The following CDK18 variants were observed in gnomAD, a reference collection of about 807,000 sequenced individuals.
CDK18 encodes the protein cyclin-dependent kinase 18.
CDK18 carries 52 observed loss-of-function variants against 62.0 expected under a neutral mutation model. The observed-to-expected ratio is 0.84, with a 90% confidence interval of 0.67 to 1.06. CDK18 has a LOEUF of 1.06. CDK18 is among the 50% of genes least tolerant of loss of function. CDK18 has a pLI of 0.00. For missense variants in CDK18, 604 were observed against 619.9 expected, an observed-to-expected ratio of 0.97 and a Z score of 0.27; for synonymous variants, 237 against 247.0, an observed-to-expected ratio of 0.96 and a Z score of 0.38.
In CDK18 at chr1:205,529,375, G is replaced by A. The variant is rs774253881; in HGVS notation, c.1124G>A (p.Arg375His). 4 of 1,613,878 alleles carry A rather than the reference G, an allele frequency of 2.5e-6. 1 individual carries two copies. In the South Asian group the frequency reaches 3.3e-5, roughly 13 times the overall value. The change falls in exon 12 of 16, where the codon CGC becomes CAC. Residue 375 changes from arginine to histidine, a missense_variant. Arg to His is a conservative substitution (Grantham distance 29). Transcript: ENST00000429964. The part of the protein sequence containing the change: ...WPGVTAFSEF[R>H]TYSFPCYLPQ... ...GGCGTGACCGCCTTCTCTGAGTTCC[G>A]CACCTACAGCTTCCCCTGCTACCTC...
At chr1:205,530,914 T>C (rs1261183594) in intron 15 of CDK18, among the ~76,000 whole-genome samples, 1 of 152,192 alleles carries the variant, frequency 6.6e-6, no homozygotes, top group Admixed American at 6.5e-5. Context: ...GACATTGCAT[T>C]TGACAGTAGC....
At chr1:205,520,394 T>C (rs543799685) in intron 1 of CDK18, among the ~76,000 whole-genome samples, 1 of 152,224 alleles carries the variant, frequency 6.6e-6, no homozygotes, top group Non-Finnish European at 1.5e-5. Flanking sequence ...GATTCTGATG[T>C]TCAGCTATCT....
intron 1 of CDK18, among the ~76,000 whole-genome samples, chr1:205,519,191 C>G (rs761303791): frequency 1.3e-5 from 2 of 152,158 alleles, no homozygotes; most frequent in African/African-American, 4.8e-5. Flanking sequence ...ACTAAGGTGA[C>G]AGGCCTTTTT....
intron 1 of CDK18, among the ~76,000 whole-genome samples, chr1:205,507,078 T>C (rs1667343653): frequency 6.6e-6 from 1 of 152,304 alleles, no homozygotes; most frequent in South Asian, 2.1e-4. Flanking sequence ...TCTTCCCGGT[T>C]CCTACCCTAA....
At position 205,528,334 on chromosome 1, in the gene CDK18, A is replaced by G. The variant is rs1668547440; in HGVS notation, c.974+166A>G. ...GATGTTAAAAAATTAGGTCTGAAAT[A>G]TAATAGGTTAGGGTTTCCCTGGCTT... On this transcript the variant is annotated intron_variant, in intron 10 of 15. Transcript: ENST00000429964. The surrounding 1 kb of genome is among the most constrained non-coding windows in gnomAD (Gnocchi z 4.2). Among the ~76,000 whole-genome samples the G allele has an allele frequency of 6.6e-6, 1 of 152,064 alleles. No homozygotes were observed. The highest frequency in any genetic ancestry group is 2.1e-4 in the South Asian group (1 of 4,822).
intron 1 of CDK18, among the ~76,000 whole-genome samples, chr1:205,506,182 G>T (rs184587925): frequency 1.5e-3 from 233 of 152,304 alleles, no homozygotes; most frequent in African/African-American, 5.5e-3. Context: ...GGTCGGTGGA[G>T]TACAGGGCGA....
chr1:205,519,911 C>T (rs1668029808), intron 1 of CDK18, among the ~76,000 whole-genome samples: 1 of 152,198 alleles, frequency 6.6e-6, no homozygotes, highest in South Asian at 2.1e-4. Context: ...TCCAACATGC[C>T]ATCCCATAAA....
chr1:205,531,328 C>A lies in CDK18; in HGVS notation c.1391-16C>A. Reference sequence around the variant, plus strand: ...CAGCCTCCTCCCTGCAGCCCCACCTCTTCTCCATTCTCCAGGACGAGGGAA... The same window carrying A: ...CAGCCTCCTCCCTGCAGCCCCACCTATTCTCCATTCTCCAGGACGAGGGAA... On this transcript the variant is annotated splice_polypyrimidine_tract_variant and intron_variant, in intron 15 of 15. Coordinates refer to ENST00000429964, the MANE Select transcript of CDK18 (RefSeq NM_212502.3). 6.2e-7 allele frequency: 1 copy of A among 1,613,988 alleles called. No individual in the cohort carries two copies. The highest frequency in any genetic ancestry group is 8.5e-7 in the Non-Finnish European group (1 of 1,179,846).
chr1:205,520,990 G>A (rs549218974), intron 1 of CDK18, among the ~76,000 whole-genome samples: 37 of 152,164 alleles, frequency 2.4e-4, no homozygotes, highest in Non-Finnish European at 4.3e-4. Flanking sequence ...ACGGAGGAGC[G>A]GCTGAAGATG....
chr1:205,528,851 C>T lies in CDK18; in HGVS notation c.975-148C>T, dbSNP rs570156648. The T allele has an allele frequency of 1.9e-5, 11 of 579,530 alleles. No homozygotes were observed. The highest frequency in any genetic ancestry group is 1.7e-4 in the African/African-American group (9 of 53,438). 35.9% of individuals were successfully genotyped at this position (579,530 alleles called of 1,614,324 possible). On this transcript the variant is annotated intron_variant, in intron 10 of 15. Transcript: ENST00000429964. The surrounding 1 kb of genome is among the most constrained non-coding windows in gnomAD (Gnocchi z 4.2). ...AGTGGGGGCTGGGCAGTTCTAGGAG[C>T]CTCCACTGCCCTGGGCCACCCCTCC...
At chr1:205,511,914 T>C (rs1236697164) in intron 1 of CDK18, among the ~76,000 whole-genome samples, 1 of 152,044 alleles carries the variant, frequency 6.6e-6, no homozygotes, top group Non-Finnish European at 1.5e-5. Flanking sequence ...ATTAGCTGGG[T>C]GTGGTGTCGT....
chr1:205,515,685 G>A (rs1230515146), intron 1 of CDK18, among the ~76,000 whole-genome samples: 2 of 152,136 alleles, frequency 1.3e-5, no homozygotes, highest in African/African-American at 2.4e-5. Flanking sequence ...TGGAGAGCAA[G>A]GCTAGACACC....
Position 205,528,153 on chromosome 1 carries a change from C to T in CDK18, c.959C>T (p.Thr320Ile), listed in dbSNP as rs748088559. Residue 320 changes from threonine (T) to isoleucine (I), a missense_variant, in exon 10 of 16, where the codon ACC becomes ATC. Physicochemically the swap from Thr to Ile is moderately conservative, Grantham distance 89. Coordinates refer to ENST00000429964, the MANE Select transcript of CDK18 (RefSeq NM_212502.3). The surrounding 1 kb of genome is among the most constrained non-coding windows in gnomAD (Gnocchi z 4.2). ...CTGCTGGGATCCACAGAGTACTCCA[C>T]CCCCATTGATATGTGGTGAGTGAGC... is the stretch of plus-strand genomic sequence containing the variant. The part of the protein sequence containing the change: ...DVLLGSTEYS[T>I]PIDMWGVGCI... 2.5e-6 allele frequency: 4 copies of T among 1,613,696 alleles called. No individual in the cohort carries two copies. In the Admixed American group the frequency reaches 6.7e-5, roughly 27 times the overall value.
rs1575084443 is a variant in CDK18, at chr1:205,531,755, A to G, written c.*377A>G. The G allele has an allele frequency of 4.1e-6, 1 of 242,302 alleles. No homozygotes were observed. Among genetic ancestry groups the G allele is most frequent in the African/African-American group, 2.3e-5 (1 of 44,118 alleles). 15.0% of individuals were successfully genotyped at this position (242,302 alleles called of 1,614,324 possible). On this transcript the variant is annotated 3_prime_UTR_variant, in exon 16 of 16. Transcript: ENST00000429964. ...GCACTCTGCCCTGGATACAGGCTCT[A>G]CCCTCCTCCCCCAGGACCTGCCTAG...
At chr1:205,529,618 G>A in intron 13 of CDK18, 55 bp downstream of exon 13, 5 of 1,612,844 alleles carry the variant, frequency 3.1e-6, no homozygotes, top group Non-Finnish European at 3.4e-6. Flanking sequence ...CCAGGTCCCT[G>A]TGCCCCATGC....
chr1:205,514,030 G>T (rs544152805), intron 1 of CDK18, among the ~76,000 whole-genome samples: 14 of 152,336 alleles, frequency 9.2e-5, no homozygotes, highest in African/African-American at 2.6e-4. Context: ...GGCTCACTTT[G>T]TCTCAGGCTT....
intron 13 of CDK18, chr1:205,529,846 C>T: frequency 7.4e-7 from 1 of 1,348,082 alleles, no homozygotes; most frequent in African/African-American, 1.5e-5. Flanking sequence ...GGATTAATAC[C>T]TATTTTATAA....
Position 205,528,183 on chromosome 1 carries a change from TG to T in CDK18, c.974+19del. 6.2e-7 allele frequency: 1 copy of T among 1,612,886 alleles called. No individual in the cohort carries two copies. The highest frequency in any genetic ancestry group is 2.2e-5 in the East Asian group (1 of 44,862). Reference sequence around the variant, plus strand: ...ATTGATATGTGGTGAGTGAGCACTGTGGGGACCGAGGAGGGGAGGACAGGCC... The same window carrying T: ...ATTGATATGTGGTGAGTGAGCACTGTGGGACCGAGGAGGGGAGGACAGGCC... On this transcript the variant is annotated intron_variant, in intron 10 of 15. Coordinates refer to ENST00000429964, the MANE Select transcript of CDK18 (RefSeq NM_212502.3). This position sits in a 1 kb window ranked among gnomAD's most constrained non-coding sequence, Gnocchi z 4.2.
Position 205,517,262 on chromosome 1 carries a change from C to CT in CDK18, c.-21-5884dup, listed in dbSNP as rs550384876. On this transcript the variant is annotated intron_variant, in intron 1 of 15. Transcript: ENST00000429964. The surrounding 1 kb of genome is among the most constrained non-coding windows in gnomAD (Gnocchi z 4.1). ...TCTAAGTAGGGGGGACCCTGCCTCC[C>CT]TGGCCCTTCTCCCCCTCACATCTGC... Among the ~76,000 whole-genome samples, 30 of 152,346 alleles carry CT rather than the reference C, an allele frequency of 2.0e-4. No individual in the cohort carries two copies. Among genetic ancestry groups the CT allele is most frequent in the Non-Finnish European group, 4.1e-4 (28 of 68,016 alleles).
Sources: allele counts gnomAD v4.1 joint callset (sites outside exome capture counted in the v4.1 genomes callset), GRCh38; gene constraint gnomAD v4.1.1; non-coding constraint Gnocchi (gnomAD v3.1); transcripts MANE v1.5; gene names NCBI Gene and HGNC (gene_info 2026-07-23, HGNC 2026-07-21).